RTN4RL1: variants seen among roughly 807,000 people sequenced by gnomAD.
RTN4RL1 encodes the protein reticulon 4 receptor like 1.
RTN4RL1 carries 7 observed loss-of-function variants against 25.6 expected under a neutral mutation model. The ratio of observed to expected loss-of-function variants is 0.27; its 90% confidence interval spans 0.16 to 0.51. RTN4RL1 has a LOEUF of 0.51. Among genes scored for constraint, RTN4RL1 ranks in the 20% least tolerant of loss-of-function variants. The pLI is 0.97. For missense variants in RTN4RL1, 500 were observed against 615.6 expected (o/e 0.81, Z 1.99); for synonymous variants, 297 against 288.2 (o/e 1.03, Z -0.31).
Position 1,936,796 on chromosome 17 carries a change from C to A in RTN4RL1, c.1026G>T (p.Pro342=), listed in dbSNP as rs759154218. ...PHGPTRSKGH[P]HGPRPGHRKP... The stretch of plus-strand genomic sequence containing the variant: ...TCCTGTGGCCGGGCCGGGGGCCGTG[C>A]GGGTGGCCCTTGCTCCTGGTGGGGC... Residue 342 remains proline, a synonymous_variant, in exon 2 of 2, where the codon CCG becomes CCT. Transcript: ENST00000331238. The A allele has an allele frequency of 1.2e-5, 19 of 1,584,778 alleles. No homozygotes were observed. Among genetic ancestry groups the A allele is most frequent in the South Asian group, 8.1e-5 (7 of 86,154 alleles).
intron 1 of RTN4RL1, among the ~76,000 whole-genome samples, chr17:1,996,660 C>T (rs2066930591): frequency 6.6e-6 from 1 of 152,232 alleles, no homozygotes. Flanking sequence ...TCTGGGTAAA[C>T]AGCAGACGCC....
In RTN4RL1 at chr17:1,937,675, C is replaced by T. The variant is rs371594240; in HGVS notation, c.147G>A (p.Pro49=). The T allele has an allele frequency of 3.6e-5, 58 of 1,613,508 alleles. No homozygotes were observed. The highest frequency in any genetic ancestry group is 2.1e-4 in the South Asian group (19 of 91,066). The change falls in exon 2 of 2, where the codon CCG becomes CCA. Residue 49 remains proline, a synonymous_variant. Transcript: ENST00000331238. ...SCQAHNFAAI[P]EGIPVDSERV... ...GCTCGCTGTCCACGGGGATGCCCTC[C>T]GGGATGGCTGCAAAGTTGTGCGCCT...
intron 1 of RTN4RL1, among the ~76,000 whole-genome samples, chr17:1,970,709 C>T (rs1178250088): frequency 6.6e-6 from 1 of 152,160 alleles, no homozygotes; most frequent in Admixed American, 6.5e-5. Context: ...GAGGGAAGGA[C>T]GGTGGGTCCG....
chr17:1,946,862 G>A (rs1915559718), intron 1 of RTN4RL1, among the ~76,000 whole-genome samples: 1 of 72,874 alleles, frequency 1.4e-5, no homozygotes, highest in East Asian at 2.5e-4. Flanking sequence ...GTGTGTCTGT[G>A]TGCACGTGTG....
intron 1 of RTN4RL1, among the ~76,000 whole-genome samples, chr17:1,999,513 T>TGCAGCTC (rs1348604772): frequency 6.6e-6 from 1 of 151,844 alleles, no homozygotes; most frequent in East Asian, 1.9e-4. Context: ...TATGTGCACA[T>TGCAGCTC]GCAGCTCCCA....
intron 1 of RTN4RL1, among the ~76,000 whole-genome samples, chr17:1,970,019 C>CT (rs59804703): frequency 0.029 from 2,058 of 72,126 alleles, 53 homozygotes; most frequent in African/African-American, 0.081. Context: ...CTCTCTCTCT[C>CT]TTTTTTTTTT....
At chr17:2,015,079 C>G (rs2067102791) in intron 1 of RTN4RL1, among the ~76,000 whole-genome samples, 1 of 152,112 alleles carries the variant, frequency 6.6e-6, no homozygotes, top group South Asian at 2.1e-4. Context: ...AAAGGCAAGA[C>G]AGGAGGCTGC....
At chr17:1,974,338 C>T (rs746818125) in intron 1 of RTN4RL1, among the ~76,000 whole-genome samples, 1 of 151,948 alleles carries the variant, frequency 6.6e-6, no homozygotes, top group Non-Finnish European at 1.5e-5. Context: ...TTGCAGTGAG[C>T]TGAGATTGTG....
Position 2,024,934 on chromosome 17 carries a change from C to T in RTN4RL1, c.-69G>A. On this transcript the variant is annotated 5_prime_UTR_variant, in exon 1 of 2. Transcript: ENST00000331238. ...CCCTCCCGGGGTCCAGATTCAAATC[C>T]CTGGGCGCCAGCTGCAGCTAATCCG... The T allele has an allele frequency of 6.7e-7, 1 of 1,501,614 alleles. No homozygotes were observed. The highest frequency in any genetic ancestry group is 9.0e-7 in the Non-Finnish European group (1 of 1,110,342). 93.0% of individuals were successfully genotyped at this position (1,501,614 alleles called of 1,614,324 possible).
Position 1,981,271 on chromosome 17 carries a change from C to T in RTN4RL1, c.14-43463G>A, listed in dbSNP as rs552385370. 1.9e-4 allele frequency among the ~76,000 whole-genome samples: 29 copies of T among 151,910 alleles called. 1 individual carries two copies. The highest frequency in any genetic ancestry group is 1.6e-3 in the Admixed American group (25 of 15,242). ...TAGTGCACACCTGTAGTCTCAGCTA[C>T]CTGGGAGGCTGAGGAGGGAGGATCA... On this transcript the variant is annotated intron_variant, in intron 1 of 1. Coordinates refer to ENST00000331238, the MANE Select transcript of RTN4RL1 (RefSeq NM_178568.4).
chr17:1,970,800 C>A (rs2066815291), intron 1 of RTN4RL1, among the ~76,000 whole-genome samples: 1 of 152,206 alleles, frequency 6.6e-6, no homozygotes, highest in African/African-American at 2.4e-5. Flanking sequence ...AAACACGGCT[C>A]TCTGCTGCCT....
chr17:2,013,632 T>TTGGGGTTTGATA (rs1567528139), intron 1 of RTN4RL1, among the ~76,000 whole-genome samples: 4 of 134,174 alleles, frequency 3.0e-5, no homozygotes, highest in African/African-American at 8.7e-5. Context: ...TCCCTCACCC[T>TTGGGGTTTGATA]GGAACATAAA....
At chr17:1,960,414 C>T (rs1023792787) in intron 1 of RTN4RL1, among the ~76,000 whole-genome samples, 1 of 152,094 alleles carries the variant, frequency 6.6e-6, no homozygotes, top group African/African-American at 2.4e-5. Flanking sequence ...CACCAGCCCA[C>T]GTCGCCCTCG....
intron 1 of RTN4RL1, among the ~76,000 whole-genome samples, chr17:1,985,171 G>A (rs534143857): frequency 1.6e-4 from 24 of 152,182 alleles, no homozygotes; most frequent in Non-Finnish European, 3.5e-4. Context: ...TTGGCAAGTG[G>A]TGGGGATTGG....
At chr17:1,997,761 A>T (rs1430352134) in intron 1 of RTN4RL1, among the ~76,000 whole-genome samples, 4 of 152,128 alleles carry the variant, frequency 2.6e-5, no homozygotes, top group South Asian at 4.1e-4. Flanking sequence ...GCTGGCTTTA[A>T]ACCACTAGGA....
Position 1,991,446 on chromosome 17 carries a change from T to TAAAAA in RTN4RL1, c.13+33402_13+33406dup, listed in dbSNP as rs764604442. ...TCGAAAAGATAATACATGCACATAG[T>TAAAAA]AAAAAAAAAAAAAAAAACAAAAAAA... is the stretch of plus-strand genomic sequence containing the variant. On this transcript the variant is annotated intron_variant, in intron 1 of 1. Transcript: ENST00000331238. Among the ~76,000 whole-genome samples the TAAAAA allele has an allele frequency of 6.7e-4, 21 of 31,242 alleles. 1 individual carries two copies. Among genetic ancestry groups the TAAAAA allele is most frequent in the African/African-American group, 2.3e-3 (19 of 8,330 alleles). The allele number at this position is 31,242 out of a possible 152,430, so 20.5% of individuals were successfully genotyped here.
intron 1 of RTN4RL1, among the ~76,000 whole-genome samples, chr17:1,946,885 T>C (rs896092597): frequency 5.4e-5 from 8 of 147,328 alleles, no homozygotes; most frequent in African/African-American, 2.0e-4. Context: ...TGTGTCTCTG[T>C]GTGTGCACGT....
At position 1,998,633 on chromosome 17, in the gene RTN4RL1, T is replaced by TGCCCTCACCGA. The variant is rs2066941145; in HGVS notation, c.13+26219_13+26220insTCGGTGAGGGC. On this transcript the variant is annotated intron_variant, in intron 1 of 1. Coordinates refer to ENST00000331238, the MANE Select transcript of RTN4RL1 (RefSeq NM_178568.4). The surrounding 1 kb of genome is among the most constrained non-coding windows in gnomAD (Gnocchi z 4.9). ...GACGTGGGGCCGGCTCGCCTCCTCC[T>TGCCCTCACCGA]GGGCTCGCCGGGATGTGGCCTCCGA... Among the ~76,000 whole-genome samples, 1 of 150,640 alleles carries TGCCCTCACCGA rather than the reference T, an allele frequency of 6.6e-6. No homozygotes were observed. The highest frequency in any genetic ancestry group is 2.4e-5 in the African/African-American group (1 of 41,102).
Position 2,022,435 on chromosome 17 carries a change from A to C in RTN4RL1, c.13+2418T>G, listed in dbSNP as rs145442831. Among the ~76,000 whole-genome samples the C allele has an allele frequency of 2.5e-4, 38 of 152,274 alleles. 1 individual carries two copies. The East Asian group carries it at 7.1e-3, about 29-fold the overall frequency. On this transcript the variant is annotated intron_variant, in intron 1 of 1. Coordinates refer to ENST00000331238, the MANE Select transcript of RTN4RL1 (RefSeq NM_178568.4). Reference sequence around the variant, plus strand: ...CCAAAATGCTGGGATTACAGCCATGAGCCACCACACCTGGCCTCCTGTATC... The same window carrying C: ...CCAAAATGCTGGGATTACAGCCATGCGCCACCACACCTGGCCTCCTGTATC...
Sources: allele counts gnomAD v4.1 joint callset (sites outside exome capture counted in the v4.1 genomes callset), GRCh38; gene constraint gnomAD v4.1.1; non-coding constraint Gnocchi (gnomAD v3.1); transcripts MANE v1.5; gene names NCBI Gene and HGNC (gene_info 2026-07-23, HGNC 2026-07-21).